UBASH3B: variants seen among roughly 807,000 people sequenced by gnomAD.
The protein encoded by UBASH3B is ubiquitin associated and SH3 domain containing B.
UBASH3B carries 37 observed loss-of-function variants against 83.4 expected under a neutral mutation model. The observed-to-expected ratio is 0.44, with a 90% CI of 0.34 to 0.58. The LOEUF is 0.58. Among genes scored for constraint, UBASH3B ranks in the 20% least tolerant of loss-of-function variants. The pLI is 0.01. For missense variants in UBASH3B, 657 were observed against 827.2 expected (o/e 0.79, Z 2.52); for synonymous variants, 304 against 318.3 (o/e 0.96, Z 0.48).
At chr11:122,779,314 G>C in intron 3 of UBASH3B, 183 bp from the exon 4 acceptor site, 1 of 651,658 alleles carries the variant, frequency 1.5e-6, no homozygotes, top group Non-Finnish European at 2.7e-6. Context: ...TCCACCAGTT[G>C]GGTAATCTGT....
intron 1 of UBASH3B, among the ~76,000 whole-genome samples, chr11:122,681,685 TACACACATGC>T: frequency 7.3e-6 from 1 of 137,594 alleles, no homozygotes; most frequent in East Asian, 2.1e-4. Flanking sequence ...CATTCTTCTG[TACACACATGC>T]ACACACACAC....
At chr11:122,767,447 A>C (rs1312105388) in intron 1 of UBASH3B, among the ~76,000 whole-genome samples, 1 of 152,002 alleles carries the variant, frequency 6.6e-6, no homozygotes, top group Admixed American at 6.5e-5. Flanking sequence ...AGTAGCTGGG[A>C]CTACAGGCAT....
intron 1 of UBASH3B, among the ~76,000 whole-genome samples, chr11:122,674,197 G>A (rs542815102): frequency 5.3e-5 from 8 of 152,184 alleles, no homozygotes; most frequent in Non-Finnish European, 7.3e-5. Context: ...GATGTAAACG[G>A]TGCTATGGAA....
chr11:122,791,070 C>A (rs947159011), intron 6 of UBASH3B, among the ~76,000 whole-genome samples: 1 of 152,200 alleles, frequency 6.6e-6, no homozygotes, highest in African/African-American at 2.4e-5. Context: ...ACCTGAGTGA[C>A]TTCGGTCAGT....
At chr11:122,771,075 C>T (rs187920480) in intron 1 of UBASH3B, among the ~76,000 whole-genome samples, 1 of 152,318 alleles carries the variant, frequency 6.6e-6, no homozygotes, top group East Asian at 1.9e-4. Context: ...TATCTTTACC[C>T]TCATCCAGCT....
At chr11:122,744,383 TTGAG>T (rs959636446) in intron 1 of UBASH3B, among the ~76,000 whole-genome samples, 6 of 152,144 alleles carry the variant, frequency 3.9e-5, no homozygotes, top group South Asian at 4.2e-4. Context: ...CTGTGAGTGG[TTGAG>T]TGAGTACATG....
chr11:122,732,769 A>C (rs1338631657), intron 1 of UBASH3B, among the ~76,000 whole-genome samples: 1 of 152,224 alleles, frequency 6.6e-6, no homozygotes, highest in Non-Finnish European at 1.5e-5. Context: ...GTAAACCAAC[A>C]ACTTTATCAG....
rs71054088 is a variant in UBASH3B, at chr11:122,694,954, C to CTTT, written c.161+38769_161+38771dup. 3.6e-3 allele frequency among the ~76,000 whole-genome samples: 180 copies of CTTT among 50,406 alleles called. 36 individuals are homozygous for CTTT. The highest frequency in any genetic ancestry group is 5.0e-3 in the Non-Finnish European group (141 of 28,024). 33.1% of individuals were successfully genotyped at this position (50,406 alleles called of 152,430 possible). A position where few individuals can be genotyped will look rare whatever the true frequency, so the allele number is the denominator to read the frequency against. ...TATTTATTTTTCTTTTCTTTTCTTT[C>CTTT]TTTTTTTTTTTTTTTTTTTTTTTTT... On this transcript the variant is annotated intron_variant, in intron 1 of 13. Transcript: ENST00000284273.
chr11:122,705,207 G>A (rs994678671), intron 1 of UBASH3B, among the ~76,000 whole-genome samples: 6 of 152,164 alleles, frequency 3.9e-5, no homozygotes, highest in Non-Finnish European at 8.8e-5. Flanking sequence ...AGCACTTCGG[G>A]AGGCTGAGGC....
At chr11:122,779,866 G>C (rs1860820148) in intron 4 of UBASH3B, among the ~76,000 whole-genome samples, 171 bp downstream of exon 4, 1 of 152,174 alleles carries the variant, frequency 6.6e-6, no homozygotes, top group Admixed American at 6.5e-5. Flanking sequence ...CCCACGTCTT[G>C]CTCCCTTGTA....
rs186841593 is a variant in UBASH3B at position 122,691,654 on chromosome 11, G to A, written c.161+35444G>A. Among the ~76,000 whole-genome samples, 1,132 of 152,300 alleles carry A rather than the reference G, an allele frequency of 7.4e-3. 5 individuals carry two copies. Among genetic ancestry groups the A allele is most frequent in the Non-Finnish European group, 0.013 (859 of 68,030 alleles). On this transcript the variant is annotated intron_variant, in intron 1 of 13. Coordinates refer to ENST00000284273, the MANE Select transcript of UBASH3B (RefSeq NM_032873.5). ...TACCAGTTCATCTGTTATTGCTGTA[G>A]CCACCCACCACTTGCGGGAAAATCC...
intron 2 of UBASH3B, 130 bp downstream of exon 2, chr11:122,776,402 A>C: frequency 1.2e-6 from 1 of 810,642 alleles, no homozygotes; most frequent in Non-Finnish European, 1.9e-6. Context: ...GACTGTGGCA[A>C]GTGCGTTTAT....
At position 122,773,788 on chromosome 11, in the gene UBASH3B, A is replaced by G. The variant is rs547119642; in HGVS notation, c.162-2431A>G. On this transcript the variant is annotated intron_variant, in intron 1 of 13. Transcript: ENST00000284273. ...GAGTTACAGAGACCATCACTTAATT[A>G]GATCTTTCATTTCCAGGGGATACTC... 2.6e-5 allele frequency among the ~76,000 whole-genome samples: 4 copies of G among 152,318 alleles called. No individual in the cohort carries two copies. The South Asian group carries it at 8.3e-4, about 32-fold the overall frequency.
chr11:122,659,945 G>T (rs1863414691), intron 1 of UBASH3B, among the ~76,000 whole-genome samples: 1 of 152,210 alleles, frequency 6.6e-6, no homozygotes, highest in Admixed American at 6.5e-5. Flanking sequence ...GGCCAGCAAG[G>T]CTGGATCCCA....
chr11:122,774,411 C>T, intron 1 of UBASH3B: 1 of 714,190 alleles, frequency 1.4e-6, no homozygotes, highest in Non-Finnish European at 1.7e-6. Context: ...CAGAGGCTGG[C>T]CTTTGCTCAG....
At chr11:122,804,093 A>G (rs1861299854) in intron 11 of UBASH3B, among the ~76,000 whole-genome samples, 1 of 152,084 alleles carries the variant, frequency 6.6e-6, no homozygotes, top group African/African-American at 2.4e-5. Flanking sequence ...TAAATCTCAC[A>G]CATTACATGG....
chr11:122,715,768 A>G (rs889292874), intron 1 of UBASH3B, among the ~76,000 whole-genome samples: 4 of 152,206 alleles, frequency 2.6e-5, no homozygotes, highest in African/African-American at 9.7e-5. Context: ...AACACAACAT[A>G]TGGCTTCCCA....
intron 1 of UBASH3B, among the ~76,000 whole-genome samples, chr11:122,736,967 T>C (rs193033128): frequency 1.3e-3 from 197 of 152,230 alleles, no homozygotes; most frequent in Non-Finnish European, 2.0e-3. Flanking sequence ...TAAGCTAAGA[T>C]TGAGAGGTGG....
At chr11:122,772,437 G>A (rs1053163288) in intron 1 of UBASH3B, among the ~76,000 whole-genome samples, 1 of 151,886 alleles carries the variant, frequency 6.6e-6, no homozygotes, top group East Asian at 1.9e-4. Flanking sequence ...GAAGAAAAAA[G>A]AGAGTAGAAG....
Sources: allele counts gnomAD v4.1 joint callset (sites outside exome capture counted in the v4.1 genomes callset), GRCh38; gene constraint gnomAD v4.1.1; transcripts MANE v1.5; gene names NCBI Gene and HGNC (gene_info 2026-07-23, HGNC 2026-07-21).